The following FAM193A variants were observed in gnomAD, a reference collection of about 807,000 sequenced individuals.
The protein encoded by FAM193A is protein FAM193A.
Under a neutral mutation model 126.5 loss-of-function variants are expected in FAM193A, and 22 were observed. That is an observed-to-expected ratio of 0.17 (90% CI 0.12 to 0.25). FAM193A has a LOEUF of 0.25. FAM193A is among the 10% of genes least tolerant of loss of function. FAM193A has a pLI of 1.00. For synonymous variants in FAM193A, 761 were observed against 646.8 expected (o/e 1.18, Z -2.68); for missense variants, 1,675 against 1,672.8 (o/e 1.00, Z -0.02).
rs781234063 is a variant in FAM193A, at chr4:2,659,706, A to AT, written c.1502+38dup. ...GTTGTGGTGTCAGCACGACTGGCCC[A>AT]TTGGACCTTCACTGGGCTGAGTGGA... On this transcript the variant is annotated intron_variant, in intron 9 of 20. Transcript: ENST00000637812. 13 of 1,611,528 alleles carry AT rather than the reference A, an allele frequency of 8.1e-6. No homozygotes were observed. In the East Asian group the frequency reaches 2.7e-4, roughly 33 times the overall value.
intron 15 of FAM193A, among the ~76,000 whole-genome samples, chr4:2,692,791 T>C (rs2109274605): frequency 6.6e-6 from 1 of 150,964 alleles, no homozygotes; most frequent in East Asian, 2.0e-4. Context: ...GAGAGTATCC[T>C]GTCAGTGTTA....
intron 2 of FAM193A, among the ~76,000 whole-genome samples, chr4:2,597,221 C>T (rs564728660): frequency 6.6e-6 from 1 of 152,312 alleles, no homozygotes; most frequent in Admixed American, 6.5e-5. Context: ...TGCTGTAATT[C>T]TCTTCCTAGC....
chr4:2,602,091 G>A (rs533014885), intron 2 of FAM193A, among the ~76,000 whole-genome samples: 3 of 152,110 alleles, frequency 2.0e-5, no homozygotes, highest in Non-Finnish European at 4.4e-5. Context: ...CTCCTGCTGC[G>A]GCCTCCCAAA....
At position 2,701,013 on chromosome 4, in the gene FAM193A, A is replaced by G. The variant is rs141236876; in HGVS notation, c.4372+469A>G. Among the ~76,000 whole-genome samples the G allele has an allele frequency of 1.6e-3, 239 of 151,998 alleles. 1 individual carries two copies. The highest frequency in any genetic ancestry group is 5.2e-3 in the African/African-American group (214 of 41,488). ...GATTTCTACCCCCTCCAGTTCCCCAACTTTAGTTCCCCAACATCAGTATTT... is the reference window on the plus strand; with the variant it reads ...GATTTCTACCCCCTCCAGTTCCCCAGCTTTAGTTCCCCAACATCAGTATTT... On this transcript the variant is annotated intron_variant, in intron 19 of 20. Coordinates refer to ENST00000637812, the MANE Select transcript of FAM193A (RefSeq NM_001366318.2).
At chr4:2,535,657 C>G (rs1220671372), upstream of FAM193A, among the ~76,000 whole-genome samples, 1 of 140,398 alleles carries the variant, frequency 7.1e-6, no homozygotes, top group Non-Finnish European at 1.7e-5. Context: ...GGTCCAGACG[C>G]AAGCCCTTAT....
chr4:2,665,768 C>T (rs1169564302), intron 12 of FAM193A, among the ~76,000 whole-genome samples: 2 of 152,242 alleles, frequency 1.3e-5, no homozygotes, highest in Non-Finnish European at 2.9e-5. Context: ...CTCAAGCCAT[C>T]CTCCCATTTC....
chr4:2,665,253 A>G (rs754708783), intron 12 of FAM193A, among the ~76,000 whole-genome samples: 10 of 152,202 alleles, frequency 6.6e-5, no homozygotes, highest in East Asian at 1.9e-4. Flanking sequence ...TTGATTTCCA[A>G]TTGATCATTG....
Position 2,572,459 on chromosome 4 carries a change from G to A in FAM193A, c.256-23625G>A, listed in dbSNP as rs116244939. Among the ~76,000 whole-genome samples, 1,068 of 152,288 alleles carry A rather than the reference G, an allele frequency of 7.0e-3. 3 individuals carry two copies. Among genetic ancestry groups the A allele is most frequent in the Non-Finnish European group, 0.011 (779 of 68,028 alleles). ...TTGTGGCCCCACAGTGCTCGCTGCA[G>A]TGGGGACTTGGGCGTTCTCCAGTCT... is the stretch of plus-strand genomic sequence containing the variant. On this transcript the variant is annotated intron_variant, in intron 1 of 20. Transcript: ENST00000637812.
rs753925462 is a variant in FAM193A at position 2,672,219 on chromosome 4, C to T, written c.2178C>T (p.Gly726=). The T allele has an allele frequency of 2.5e-6, 4 of 1,614,118 alleles. No individual in the cohort carries two copies. The highest frequency in any genetic ancestry group is 1.7e-5 in the Admixed American group (1 of 60,002). ...SAMTAGALPP[G]HQFLSPEKPT... is the part of the protein sequence containing the mutation. ...TGACAGCCGGAGCCCTTCCTCCTGGCCATCAGTTCTTGAGCCCAGAGAAGC... is the reference window on the plus strand; with the variant it reads ...TGACAGCCGGAGCCCTTCCTCCTGGTCATCAGTTCTTGAGCCCAGAGAAGC... Residue 726 remains glycine, a synonymous_variant, in exon 13 of 21, where the codon GGC becomes GGT. Transcript: ENST00000637812.
chr4:2,627,091 T>G (rs962397389), intron 4 of FAM193A, among the ~76,000 whole-genome samples: 1 of 152,132 alleles, frequency 6.6e-6, no homozygotes, highest in African/African-American at 2.4e-5. Flanking sequence ...AGCAGATACC[T>G]TATGCTCAGT....
intron 19 of FAM193A, among the ~76,000 whole-genome samples, chr4:2,710,161 G>GTTTTTTTTTTTTTTTTTTTTTTTTTTTTT (rs796903801): frequency 4.4e-5 from 4 of 91,822 alleles, no homozygotes; most frequent in Non-Finnish European, 6.3e-5. Flanking sequence ...TTCTTCTTTT[G>GTTTTTTTTTTTTTTTTTTTTTTTTTTTTT]TTTTTTTTTT....
chr4:2,603,977 G>A (rs898749454), intron 2 of FAM193A, among the ~76,000 whole-genome samples: 3 of 151,710 alleles, frequency 2.0e-5, no homozygotes, highest in Non-Finnish European at 4.4e-5. Flanking sequence ...TGAGCAGCTG[G>A]GATTACAGGC....
intron 4 of FAM193A, 115 bp from the exon 5 acceptor site, chr4:2,630,818 CTG>C (rs753459217): frequency 3.3e-6 from 2 of 614,306 alleles, no homozygotes; most frequent in Non-Finnish European, 5.8e-6. Flanking sequence ...AGGAAGGTGA[CTG>C]TGTGGTCATC....
chr4:2,662,836 A>T lies in FAM193A; in HGVS notation c.1746-2A>T. On this transcript the variant is annotated splice_acceptor_variant, in intron 10 of 20. Transcript: ENST00000637812. LOFTEE classifies it high-confidence loss of function. ...CACAGTGACCATCTCTGCTTGTGTC[A>T]GTTGTAGTGATGATGAAGATGTTGC... 1 of 1,605,642 alleles carries T rather than the reference A, an allele frequency of 6.2e-7. No homozygotes were observed. Among genetic ancestry groups the T allele is most frequent in the East Asian group, 2.2e-5 (1 of 44,628 alleles).
chr4:2,606,972 T>C (rs909405297), intron 2 of FAM193A, among the ~76,000 whole-genome samples: 4 of 152,202 alleles, frequency 2.6e-5, no homozygotes, highest in Admixed American at 2.0e-4. Flanking sequence ...TTGGAAAATA[T>C]CTGACAAATA....
chr4:2,596,916 C>G (rs1740898042), intron 2 of FAM193A, among the ~76,000 whole-genome samples: 1 of 152,168 alleles, frequency 6.6e-6, no homozygotes, highest in Admixed American at 6.5e-5. Flanking sequence ...CTTCTGTGCC[C>G]TTTGATTTCT....
At position 2,577,422 on chromosome 4, in the gene FAM193A, G is replaced by GTTTTTTTTTTTTTTTTTTTTTT. The variant is rs986931980; in HGVS notation, c.256-18648_256-18647insTTTTTTTTTTTTTTTTTTTTTT. ...ACTCAATTAAAGTGGTTTTTTTTTT[G>GTTTTTTTTTTTTTTTTTTTTTT]TTTTTTTTTTTTTTGAGACAGAGTC... On this transcript the variant is annotated intron_variant, in intron 1 of 20. Transcript: ENST00000637812. Among the ~76,000 whole-genome samples, 53 of 115,570 alleles carry GTTTTTTTTTTTTTTTTTTTTTT rather than the reference G, an allele frequency of 4.6e-4. 4 individuals are homozygous for GTTTTTTTTTTTTTTTTTTTTTT. The highest frequency in any genetic ancestry group is 9.1e-4 in the South Asian group (3 of 3,306). The allele number at this position is 115,570 out of a possible 152,430, so 75.8% of individuals were successfully genotyped here. A position where few individuals can be genotyped will look rare whatever the true frequency, so the allele number is the denominator to read the frequency against.
chr4:2,668,869 G>A (rs1341611729), intron 12 of FAM193A, among the ~76,000 whole-genome samples: 2 of 143,482 alleles, frequency 1.4e-5, no homozygotes, highest in Admixed American at 1.4e-4. Context: ...TTGAGACAGA[G>A]TCACACTCTG....
intron 6 of FAM193A, among the ~76,000 whole-genome samples, chr4:2,641,571 C>T (rs1459798771): frequency 1.3e-5 from 2 of 152,070 alleles, no homozygotes; most frequent in Admixed American, 6.5e-5. Flanking sequence ...AGAAGAATGG[C>T]GTGAACCCAG....
Sources: gnomAD v4.1 joint callset for allele counts (sites outside exome capture counted in the v4.1 genomes callset) on GRCh38, gnomAD v4.1.1 for gene constraint, MANE v1.5 for transcripts, NCBI Gene and HGNC (gene_info 2026-07-23, HGNC 2026-07-21) for gene names.